Variants in GULP1 observed in about 807,000 individuals in gnomAD.
GULP1 encodes GULP PTB domain containing engulfment adaptor 1.
In GULP1, 19 loss-of-function variants were observed where a neutral mutation model predicts 40.9. The observed-to-expected ratio is 0.46, with a 90% CI of 0.32 to 0.68. The LOEUF is 0.68. GULP1 is among the 30% of genes least tolerant of loss of function. GULP1 has a pLI of 0.03. For synonymous variants in GULP1, 119 were observed against 117.6 expected (o/e 1.01, Z -0.08); for missense variants, 312 against 362.2 (o/e 0.86, Z 1.12).
chr2:188,373,175 G>C (rs918455882), intron 1 of GULP1, among the ~76,000 whole-genome samples: 1 of 151,852 alleles, frequency 6.6e-6, no homozygotes, highest in Non-Finnish European at 1.5e-5. Flanking sequence ...AGCTCTAACA[G>C]AGGAAACATG....
At chr2:188,553,445 T>C (rs1224541587) in intron 7 of GULP1, among the ~76,000 whole-genome samples, 1 of 152,088 alleles carries the variant, frequency 6.6e-6, no homozygotes. Context: ...CTTCATTCCA[T>C]TAATTTGAGT....
chr2:188,297,237 C>A (rs920480845), intron 1 of GULP1, among the ~76,000 whole-genome samples: 1 of 151,588 alleles, frequency 6.6e-6, no homozygotes, highest in Non-Finnish European at 1.5e-5. Context: ...TTGGCAAGAT[C>A]TTCTACCTAC....
intron 2 of GULP1, among the ~76,000 whole-genome samples, chr2:188,425,836 T>A (rs2056119862): frequency 6.6e-6 from 1 of 152,206 alleles, no homozygotes; most frequent in Non-Finnish European, 1.5e-5. Flanking sequence ...TCACATGAAA[T>A]AGCTCCTGTC....
intron 1 of GULP1, among the ~76,000 whole-genome samples, chr2:188,316,130 A>ATAGC (rs1376752556): frequency 6.6e-6 from 1 of 152,190 alleles, no homozygotes; most frequent in Admixed American, 6.6e-5. Context: ...AATAGAATGT[A>ATAGC]TAGCTCTCTT....
At chr2:188,484,150 C>T (rs2061666018) in intron 4 of GULP1, among the ~76,000 whole-genome samples, 2 of 152,108 alleles carry the variant, frequency 1.3e-5, no homozygotes, top group Non-Finnish European at 2.9e-5. Context: ...TCAAGTGGTC[C>T]ACCTGCCTCA....
intron 7 of GULP1, among the ~76,000 whole-genome samples, chr2:188,556,801 C>T (rs905921401): frequency 2.6e-5 from 4 of 151,994 alleles, no homozygotes; most frequent in Non-Finnish European, 2.9e-5. Flanking sequence ...TTTGGGAGGC[C>T]GAGGCGGGTG....
chr2:188,384,823 A>G (rs1481094244), intron 2 of GULP1, among the ~76,000 whole-genome samples: 1 of 152,184 alleles, frequency 6.6e-6, no homozygotes, highest in Admixed American at 6.5e-5. Flanking sequence ...CAAATCTTAA[A>G]GCTCCAAAAT....
At chr2:188,446,533 C>T (rs996407408) in intron 2 of GULP1, among the ~76,000 whole-genome samples, 1 of 152,086 alleles carries the variant, frequency 6.6e-6, no homozygotes, top group Non-Finnish European at 1.5e-5. Flanking sequence ...ACTCTGAGTT[C>T]AACTTTGCTT....
intron 1 of GULP1, among the ~76,000 whole-genome samples, chr2:188,311,892 ATATAT>A (rs951714929): frequency 8.7e-5 from 13 of 148,604 alleles, no homozygotes; most frequent in Non-Finnish European, 1.6e-4. Context: ...CATATTTATT[ATATAT>A]TATATTAATA....
chr2:188,380,976 T>A (rs1219934953), intron 1 of GULP1, among the ~76,000 whole-genome samples: 1 of 152,158 alleles, frequency 6.6e-6, no homozygotes. Context: ...CATATACGTC[T>A]TCAAATTGTG....
chr2:188,409,250 A>G (rs1216106835), intron 2 of GULP1, among the ~76,000 whole-genome samples: 6 of 152,156 alleles, frequency 3.9e-5, no homozygotes, highest in African/African-American at 1.4e-4. Context: ...AAACTCAAAT[A>G]AAATCAGAAA....
At chr2:188,554,324 C>A (rs1694220318) in intron 7 of GULP1, among the ~76,000 whole-genome samples, 1 of 151,766 alleles carries the variant, frequency 6.6e-6, no homozygotes, top group African/African-American at 2.4e-5. Flanking sequence ...TTTACTGTGT[C>A]TCACAGGTTT....
At chr2:188,417,067 A>G (rs760220652) in intron 2 of GULP1, among the ~76,000 whole-genome samples, 35 of 152,350 alleles carry the variant, frequency 2.3e-4, no homozygotes, top group Non-Finnish European at 4.1e-4. Flanking sequence ...GTAGGAATCC[A>G]TGCATCAAAA....
intron 11 of GULP1, chr2:188,591,554 G>A (rs764859688): frequency 2.6e-5 from 4 of 151,376 alleles, no homozygotes; most frequent in African/African-American, 9.7e-5. Flanking sequence ...GCATTTTTAC[G>A]ATGGAAACAA....
At chr2:188,484,763 G>C (rs2061721615) in intron 4 of GULP1, among the ~76,000 whole-genome samples, 1 of 152,144 alleles carries the variant, frequency 6.6e-6, no homozygotes, top group South Asian at 2.1e-4. Flanking sequence ...TTCTTCCAGA[G>C]CTGTTGTTCA....
intron 2 of GULP1, 149 bp from the exon 3 acceptor site, chr2:188,477,510 C>G: frequency 2.1e-6 from 1 of 478,618 alleles, no homozygotes; most frequent in Non-Finnish European, 3.7e-6. Context: ...TGTGTTTTTT[C>G]TTACCCAATG....
intron 9 of GULP1, among the ~76,000 whole-genome samples, chr2:188,575,823 A>G (rs1191315225): frequency 2.0e-5 from 3 of 152,124 alleles, no homozygotes; most frequent in African/African-American, 7.2e-5. Context: ...TCTGGCTGCT[A>G]TATGCAGCAT....
In GULP1 at chr2:188,587,873, C is replaced by A; in HGVS notation, c.767C>A (p.Ala256Glu). 1 of 1,606,518 alleles carries A rather than the reference C, an allele frequency of 6.2e-7. No individual in the cohort carries two copies. Among genetic ancestry groups the A allele is most frequent in the Non-Finnish European group, 8.5e-7 (1 of 1,173,412 alleles). ...CTTGCAGAACGGGACCTGTTTGGAG[C>A]AGAACCTTTTGACCCATTTAACTGT... The part of the protein sequence containing the change: ...STEIKRDLFG[A>E]EPFDPFNCGA... The change falls in exon 11 of 12, where the codon GCA (alanine) becomes GAA (glutamate). Residue 256 changes from alanine to glutamate, a missense_variant. Physicochemically the swap from Ala to Glu is moderately radical, Grantham distance 107 (BLOSUM62 -1). Coordinates refer to ENST00000409830, the MANE Select transcript of GULP1 (RefSeq NM_016315.4).
At chr2:188,385,473 C>T (rs549690925) in intron 2 of GULP1, among the ~76,000 whole-genome samples, 1 of 152,248 alleles carries the variant, frequency 6.6e-6, no homozygotes, top group Admixed American at 6.5e-5. Flanking sequence ...CTCTGGCATG[C>T]CCTGGAGACA....
Sources: gnomAD v4.1 joint callset for allele counts (sites outside exome capture counted in the v4.1 genomes callset) on GRCh38, gnomAD v4.1.1 for gene constraint, MANE v1.5 for transcripts, NCBI Gene and HGNC (gene_info 2026-07-23, HGNC 2026-07-21) for gene names.